SLC60A1: variants seen among roughly 807,000 people sequenced by gnomAD.
The protein encoded by SLC60A1 is solute carrier family 60 member 1, also known as major facilitator superfamily domain containing 4.
the SLC60A1 span, among the ~76,000 whole-genome samples, chr1:205,574,297 T>G: frequency 6.6e-6 from 1 of 151,798 alleles, no homozygotes; most frequent in African/African-American, 2.4e-5. Context: ...AATTTTAAAT[T>G]AGCTGGGCAT....
At chr1:205,590,535 C>T in the SLC60A1 span, among the ~76,000 whole-genome samples, 10 of 152,228 alleles carry the variant, frequency 6.6e-5, no homozygotes, top group Non-Finnish European at 1.3e-4. Flanking sequence ...TTCCACCTAA[C>T]AGATCCTGTG....
At chr1:205,573,287 G>C in the SLC60A1 span, among the ~76,000 whole-genome samples, 1 of 152,112 alleles carries the variant, frequency 6.6e-6, no homozygotes, top group African/African-American at 2.4e-5. Context: ...AGGCACAGTG[G>C]TACGTGCCTG....
chr1:205,569,191 A>G, the SLC60A1 span: 2 of 1,549,278 alleles, frequency 1.3e-6, no homozygotes, highest in Non-Finnish European at 1.7e-6. Flanking sequence ...ACGCTGCTGG[A>G]CCTGCGCTGT....
the SLC60A1 span, chr1:205,600,740 G>A: frequency 2.0e-5 from 8 of 406,682 alleles, no homozygotes; most frequent in East Asian, 4.4e-5. Flanking sequence ...ACAGCCGCGC[G>A]CTTCACTCCA....
chr1:205,569,195 G>A, the SLC60A1 span: 1 of 1,551,194 alleles, frequency 6.4e-7, no homozygotes, highest in Non-Finnish European at 8.7e-7. Context: ...TGCTGGACCT[G>A]CGCTGTCAGA....
At chr1:205,587,555 T>C in the SLC60A1 span, among the ~76,000 whole-genome samples, 1 of 152,142 alleles carries the variant, frequency 6.6e-6, no homozygotes, top group South Asian at 2.1e-4. Context: ...TAAATATTTT[T>C]GAGTTGAAGG....
chr1:205,579,832 C>G, the SLC60A1 span: 1 of 1,614,210 alleles, frequency 6.2e-7, no homozygotes. Flanking sequence ...TCTGCCGCGA[C>G]GTGAAGGTGC....
the SLC60A1 span, among the ~76,000 whole-genome samples, chr1:205,596,871 G>T: frequency 2.0e-5 from 3 of 152,166 alleles, no homozygotes; most frequent in African/African-American, 7.2e-5. Flanking sequence ...TACCCACACG[G>T]TAAGTCTGTG....
the SLC60A1 span, among the ~76,000 whole-genome samples, chr1:205,593,497 A>C: frequency 6.7e-6 from 1 of 148,768 alleles, no homozygotes; most frequent in Admixed American, 6.7e-5. Context: ...TTTAGAGAGG[A>C]GTGGGGGAAG....
chr1:205,599,012 G>C, the SLC60A1 span: 2 of 1,303,408 alleles, frequency 1.5e-6, no homozygotes, highest in Non-Finnish European at 2.1e-6. Flanking sequence ...CCATCTCTTG[G>C]TGTGACGGGC....
At chr1:205,588,913 G>A in the SLC60A1 span, among the ~76,000 whole-genome samples, 1 of 152,208 alleles carries the variant, frequency 6.6e-6, no homozygotes, top group Non-Finnish European at 1.5e-5. Flanking sequence ...GGGTGAGGGT[G>A]TAGGCAGTGG....
the SLC60A1 span, chr1:205,584,770 GC>G: frequency 3.2e-6 from 3 of 937,700 alleles, no homozygotes; most frequent in Admixed American, 1.8e-5. Context: ...CAGTAAGTGG[GC>G]CCCATCCTGC....
At chr1:205,585,684 AC>A in the SLC60A1 span, among the ~76,000 whole-genome samples, 1 of 71,836 alleles carries the variant, frequency 1.4e-5, no homozygotes, top group Non-Finnish European at 2.9e-5. The surrounding 1 kb of genome is among the most constrained non-coding windows in gnomAD (Gnocchi z 4.2). Flanking sequence ...GCTTGCACAC[AC>A]CTTTTTTTTT....
At chr1:205,588,469 C>CAAAAA in the SLC60A1 span, among the ~76,000 whole-genome samples, 168 of 84,622 alleles carry the variant, frequency 2.0e-3, no homozygotes, top group South Asian at 3.0e-3. Flanking sequence ...GACTTCAAAT[C>CAAAAA]AAAAAAAAAA....
chr1:205,592,021 CTGGGCTCCT>C, the SLC60A1 span: 2 of 1,384,508 alleles, frequency 1.4e-6, no homozygotes, highest in Non-Finnish European at 2.0e-6. Context: ...GGTCACACAG[CTGGGCTCCT>C]TGGGCTAGAG....
chr1:205,581,965 C>T, the SLC60A1 span, among the ~76,000 whole-genome samples: 2 of 152,212 alleles, frequency 1.3e-5, no homozygotes, highest in Admixed American at 1.3e-4. The surrounding 1 kb of genome is among the most constrained non-coding windows in gnomAD (Gnocchi z 4.2). Flanking sequence ...GGCTGGAAGC[C>T]CTGACCCTCA....
the SLC60A1 span, among the ~76,000 whole-genome samples, chr1:205,575,430 C>T: frequency 2.8e-3 from 421 of 152,266 alleles, 1 homozygote; most frequent in African/African-American, 9.8e-3. Context: ...CAGCAGCATT[C>T]TTCCCCACCC....
chr1:205,597,128 G>A, the SLC60A1 span, among the ~76,000 whole-genome samples: 4 of 152,180 alleles, frequency 2.6e-5, no homozygotes, highest in African/African-American at 9.7e-5. Flanking sequence ...CAGGATATCA[G>A]GAAATCTTTC....
At chr1:205,597,938 C>CA in the SLC60A1 span, 1 of 1,336,926 alleles carries the variant, frequency 7.5e-7, no homozygotes, top group Non-Finnish European at 1.1e-6. Context: ...CTTCTGAACT[C>CA]AAACTGTCCC....
Sources: allele counts gnomAD v4.1 joint callset (sites outside exome capture counted in the v4.1 genomes callset), GRCh38; gene constraint gnomAD v4.1.1; non-coding constraint Gnocchi (gnomAD v3.1); transcripts MANE v1.5; gene names NCBI Gene and HGNC (gene_info 2026-07-23, HGNC 2026-07-21).